CNBD1: variants seen among roughly 807,000 people sequenced by gnomAD.
The protein encoded by CNBD1 is cyclic nucleotide binding domain containing 1, also known as cyclic nucleotide-binding domain-containing protein 1.
Under a neutral mutation model 54.4 loss-of-function variants are expected in CNBD1, and 71 were observed. That is an observed-to-expected ratio of 1.30 (90% CI 1.08 to 1.59). CNBD1 has a LOEUF of 1.59. CNBD1 is among the 40% of genes most tolerant of loss of function. CNBD1 has a pLI of 0.00. For missense variants in CNBD1, 659 were observed against 518.0 expected, an observed-to-expected ratio of 1.27 and a Z score of -2.64; for synonymous variants, 182 against 170.7, an observed-to-expected ratio of 1.07 and a Z score of -0.51.
At chr8:87,130,919 G>A (rs1812105584) in intron 4 of CNBD1, among the ~76,000 whole-genome samples, 1 of 151,710 alleles carries the variant, frequency 6.6e-6, no homozygotes, top group Non-Finnish European at 1.5e-5. Context: ...GCATATCTAT[G>A]ATTTTATGTC....
At chr8:87,113,150 C>A (rs983288009) in intron 4 of CNBD1, among the ~76,000 whole-genome samples, 1 of 152,176 alleles carries the variant, frequency 6.6e-6, no homozygotes, top group African/African-American at 2.4e-5. Context: ...ACCTGGGCAT[C>A]CCTGGGCAAG....
rs185076672 is a variant in CNBD1 at position 87,014,884 on chromosome 8, T to G, written c.431+75130T>G. Among the ~76,000 whole-genome samples, 275 of 152,086 alleles carry G rather than the reference T, an allele frequency of 1.8e-3. 2 individuals are homozygous for G. Among genetic ancestry groups the G allele is most frequent in the East Asian group, 7.5e-3 (39 of 5,176 alleles). ...TAAAGAATGTAAAAAGAAAAATTAT[T>G]TTATACAAAAAAGAATCTTGTATGG... On this transcript the variant is annotated intron_variant, in intron 4 of 10. Coordinates refer to ENST00000518476, the MANE Select transcript of CNBD1 (RefSeq NM_173538.3).
intron 4 of CNBD1, among the ~76,000 whole-genome samples, chr8:87,073,278 C>T (rs535445057): frequency 5.3e-5 from 8 of 152,062 alleles, no homozygotes; most frequent in Non-Finnish European, 1.2e-4. Context: ...TTTGTTATTA[C>T]TCACCTTGTG....
intron 4 of CNBD1, among the ~76,000 whole-genome samples, chr8:87,189,279 G>C (rs1186635930): frequency 6.6e-6 from 1 of 152,128 alleles, no homozygotes; most frequent in Non-Finnish European, 1.5e-5. Context: ...TGCTAAGGAA[G>C]TGCTCTTTGA....
Position 86,905,172 on chromosome 8 carries a change from C to T in CNBD1, c.250C>T (p.Leu84Phe). 1 of 1,605,824 alleles carries T rather than the reference C, an allele frequency of 6.2e-7. No homozygotes were observed. Among genetic ancestry groups the T allele is most frequent in the Non-Finnish European group, 8.5e-7 (1 of 1,173,126 alleles). ...GCACCAAAAACCCAGACTTCCTAAA[C>T]TTTTCAAACAGGAGGAACAAAGGTA... is the stretch of plus-strand genomic sequence containing the variant. ...FLHQKPRLPK[L>F]FKQEEQRELN... is the part of the protein sequence containing the mutation. Residue 84 changes from leucine to phenylalanine, a missense_variant, in exon 3 of 11, where the codon CTT becomes TTT. By Grantham distance (22) the Leu-to-Phe change is conservative. Coordinates refer to ENST00000518476, the MANE Select transcript of CNBD1 (RefSeq NM_173538.3).
At chr8:87,398,963 G>C (rs1025662044) in intron 2 of CNBD1, among the ~76,000 whole-genome samples, 2 of 151,988 alleles carry the variant, frequency 1.3e-5, no homozygotes, top group African/African-American at 4.8e-5. Context: ...ACTTGTCAGA[G>C]AGATTGTTAT....
At chr8:87,333,268 T>C (rs960515267) in intron 8 of CNBD1, among the ~76,000 whole-genome samples, 14 of 152,310 alleles carry the variant, frequency 9.2e-5, no homozygotes, top group Middle Eastern at 3.4e-3. Context: ...TAAGGAGTTT[T>C]TGGGATGAGA....
chr8:87,052,466 TC>T (rs1440347047), intron 4 of CNBD1, among the ~76,000 whole-genome samples: 1 of 152,254 alleles, frequency 6.6e-6, no homozygotes, highest in Non-Finnish European at 1.5e-5. Flanking sequence ...TTGGCCCTGA[TC>T]CTTTATAAGC....
chr8:87,072,467 G>T (rs2130653615), intron 4 of CNBD1, among the ~76,000 whole-genome samples: 1 of 152,136 alleles, frequency 6.6e-6, no homozygotes, highest in East Asian at 1.9e-4. Flanking sequence ...TCCACTTTTA[G>T]TGCTTCCTTT....
At position 87,300,794 on chromosome 8, in the gene CNBD1, A is replaced by G. The variant is rs555026355; in HGVS notation, c.1042+14123A>G. Among the ~76,000 whole-genome samples, 4 of 152,186 alleles carry G rather than the reference A, an allele frequency of 2.6e-5. No homozygotes were observed. The South Asian group carries it at 8.3e-4, about 31-fold the overall frequency. The stretch of plus-strand genomic sequence containing the variant: ...TATGGTTCCACTGATTGGAGATCTG[A>G]ATTTTTTTGTGTACTTATGAATTTT... On this transcript the variant is annotated intron_variant, in intron 8 of 10. Coordinates refer to ENST00000518476, the MANE Select transcript of CNBD1 (RefSeq NM_173538.3).
intron 4 of CNBD1, among the ~76,000 whole-genome samples, chr8:86,973,794 A>G (rs925849813): frequency 2.0e-5 from 3 of 152,176 alleles, no homozygotes; most frequent in Admixed American, 2.0e-4. Context: ...CTCTTTTTCC[A>G]GTAGCATTGA....
At chr8:86,985,607 G>A (rs1175215284) in intron 4 of CNBD1, among the ~76,000 whole-genome samples, 1 of 152,168 alleles carries the variant, frequency 6.6e-6, no homozygotes, top group Non-Finnish European at 1.5e-5. Context: ...TGATGTGGGT[G>A]TGTACTACAT....
At chr8:86,912,774 A>G (rs1650745460) in intron 3 of CNBD1, among the ~76,000 whole-genome samples, 1 of 152,138 alleles carries the variant, frequency 6.6e-6, no homozygotes, top group Non-Finnish European at 1.5e-5. Flanking sequence ...AGAAGAAGGC[A>G]TTGTTATCAT....
intron 8 of CNBD1, among the ~76,000 whole-genome samples, chr8:87,336,580 C>T (rs1487882483): frequency 6.6e-6 from 1 of 152,082 alleles, no homozygotes; most frequent in Non-Finnish European, 1.5e-5. Flanking sequence ...CTGGTAATTC[C>T]AGTTAGCAGC....
At chr8:87,364,775 G>A (rs1019747088) in intron 10 of CNBD1, among the ~76,000 whole-genome samples, 4 of 151,962 alleles carry the variant, frequency 2.6e-5, no homozygotes, top group Non-Finnish European at 5.9e-5. Context: ...TAATTTATAA[G>A]GATAATGTCC....
intron 5 of CNBD1, among the ~76,000 whole-genome samples, chr8:87,221,176 T>G (rs1317665834): frequency 6.6e-6 from 1 of 152,280 alleles, no homozygotes; most frequent in Admixed American, 6.5e-5. Context: ...AAGTTGTCTA[T>G]GAGATGCTTC....
chr8:86,986,876 T>G (rs915105958), intron 4 of CNBD1, among the ~76,000 whole-genome samples: 1 of 152,180 alleles, frequency 6.6e-6, no homozygotes, highest in Non-Finnish European at 1.5e-5. Flanking sequence ...GATGTGTCTG[T>G]TTTTGTGTAG....
intron 4 of CNBD1, among the ~76,000 whole-genome samples, chr8:87,150,011 C>CA (rs1270456234): frequency 6.6e-6 from 1 of 151,554 alleles, no homozygotes; most frequent in East Asian, 1.9e-4. Context: ...ACGTCTTTAC[C>CA]AAAAAAATAT....
At chr8:86,940,468 A>G (rs1169198746) in intron 4 of CNBD1, among the ~76,000 whole-genome samples, 1 of 152,078 alleles carries the variant, frequency 6.6e-6, no homozygotes, top group Non-Finnish European at 1.5e-5. Context: ...ACCCGGCCCC[A>G]TTCCTTTTAA....
Sources: gnomAD v4.1 joint callset for allele counts (sites outside exome capture counted in the v4.1 genomes callset) on GRCh38, gnomAD v4.1.1 for gene constraint, MANE v1.5 for transcripts, NCBI Gene and HGNC (gene_info 2026-07-23, HGNC 2026-07-21) for gene names.